HMCN1: variants seen among roughly 807,000 people sequenced by gnomAD.
HMCN1 encodes the protein hemicentin 1, also known as hemicentin-1.
Under a neutral mutation model 625.9 loss-of-function variants are expected in HMCN1, and 321 were observed. That is an observed-to-expected ratio of 0.51 (90% CI 0.47 to 0.56). The LOEUF is 0.56. Ranked by LOEUF, HMCN1 falls within the 20% of genes least tolerant of loss-of-function variation. HMCN1 has a pLI of 0.00. For missense variants in HMCN1, 6,588 were observed against 6,887.3 expected (o/e 0.96, Z 1.54); for synonymous variants, 2,425 against 2,417.6 (o/e 1.00, Z -0.09).
chr1:185,890,096 T>G (rs1407030692), intron 4 of HMCN1, among the ~76,000 whole-genome samples: 2 of 151,878 alleles, frequency 1.3e-5, no homozygotes, highest in Non-Finnish European at 2.9e-5. Context: ...GTTTATTAGC[T>G]TAGAGGTGTT....
chr1:185,949,394 T>C (rs1392511971), intron 11 of HMCN1, among the ~76,000 whole-genome samples: 1 of 151,844 alleles, frequency 6.6e-6, no homozygotes, highest in African/African-American at 2.4e-5. Context: ...AAATGGGCTG[T>C]ACCCTGTAGC....
rs756782358 is a variant in HMCN1, at chr1:186,137,978, A to G, written c.13924+6A>G. On this transcript the variant is annotated splice_donor_region_variant and intron_variant, in intron 89 of 106. Transcript: ENST00000271588. ...CAACATTAGGCCTTGCCCAGGTGAG[A>G]AACCACCAATAATGCTAAGATAAAC... 6.2e-7 allele frequency: 1 copy of G among 1,613,886 alleles called. No individual in the cohort carries two copies. Among genetic ancestry groups the G allele is most frequent in the African/African-American group, 1.3e-5 (1 of 75,026 alleles).
intron 41 of HMCN1, among the ~76,000 whole-genome samples, chr1:186,048,176 C>G (rs1457573916): frequency 6.6e-6 from 1 of 152,124 alleles, no homozygotes; most frequent in South Asian, 2.1e-4. Context: ...GTTGTAATAA[C>G]TGCAGATGGT....
At chr1:185,998,735 C>T (rs1050541124) in intron 25 of HMCN1, among the ~76,000 whole-genome samples, 2 of 152,096 alleles carry the variant, frequency 1.3e-5, no homozygotes, top group Non-Finnish European at 2.9e-5. Context: ...TACTAGACAT[C>T]GTTTTCATTA....
intron 1 of HMCN1, among the ~76,000 whole-genome samples, chr1:185,840,121 G>A (rs1284051556): frequency 6.6e-6 from 1 of 152,172 alleles, no homozygotes; most frequent in African/African-American, 2.4e-5. Flanking sequence ...TTGTTGATTA[G>A]ATGCAGATCA....
At chr1:186,153,717 T>C (rs747449984) in intron 96 of HMCN1, 33 bp from the exon 97 acceptor site, 3 of 1,576,136 alleles carry the variant, frequency 1.9e-6, no homozygotes, top group South Asian at 2.2e-5. Context: ...GTATGAGCCA[T>C]ATTGATCTTC....
chr1:185,862,798 A>G (rs1433791428), intron 2 of HMCN1, among the ~76,000 whole-genome samples: 2 of 152,236 alleles, frequency 1.3e-5, no homozygotes, highest in Non-Finnish European at 2.9e-5. Flanking sequence ...TCCAAAGTGA[A>G]GATCAGGTTA....
chr1:186,020,004 G>A (rs1218450574), intron 35 of HMCN1, among the ~76,000 whole-genome samples: 3 of 151,952 alleles, frequency 2.0e-5, no homozygotes, highest in Non-Finnish European at 4.4e-5. Context: ...ATGTTCATCA[G>A]TAATAAGCCA....
intron 1 of HMCN1, among the ~76,000 whole-genome samples, chr1:185,819,729 A>G (rs1660071764): frequency 6.6e-6 from 1 of 152,228 alleles, no homozygotes; most frequent in South Asian, 2.1e-4. Flanking sequence ...AAACAGTCTT[A>G]TAAGAAATTG....
intron 1 of HMCN1, among the ~76,000 whole-genome samples, chr1:185,754,926 G>T (rs1373445340): frequency 1.3e-5 from 2 of 152,112 alleles, no homozygotes; most frequent in African/African-American, 4.8e-5. Context: ...TTTAATCCTT[G>T]CTCTGCTGTT....
At chr1:186,096,495 C>G (rs1029383527) in intron 68 of HMCN1, among the ~76,000 whole-genome samples, 41 of 152,098 alleles carry the variant, frequency 2.7e-4, no homozygotes, top group African/African-American at 9.4e-4. Context: ...GGAAGCAGAA[C>G]CATATCTAAA....
chr1:185,978,978 G>C (rs2101993235), intron 16 of HMCN1, among the ~76,000 whole-genome samples: 1 of 152,170 alleles, frequency 6.6e-6, no homozygotes, highest in African/African-American at 2.4e-5. Context: ...ACCATGTCTG[G>C]CCCAAGTTTA....
Position 186,130,112 on chromosome 1 carries a change from C to A in HMCN1, c.13039+12C>A. The A allele has an allele frequency of 4.3e-6, 7 of 1,612,762 alleles. No homozygotes were observed. Among genetic ancestry groups the A allele is most frequent in the Non-Finnish European group, 5.9e-6 (7 of 1,179,092 alleles). On this transcript the variant is annotated intron_variant, in intron 84 of 106. Coordinates refer to ENST00000271588, the MANE Select transcript of HMCN1 (RefSeq NM_031935.3). ...TGTTTATGTGAAAGGTAGGGAAAAGCGCTCCATTTTTAATTTATAATGCAT... is the reference window on the plus strand; with the variant it reads ...TGTTTATGTGAAAGGTAGGGAAAAGAGCTCCATTTTTAATTTATAATGCAT...
At position 186,039,877 on chromosome 1, in the gene HMCN1, C is replaced by T; in HGVS notation, c.6178C>T (p.Gln2060Ter). The T allele has an allele frequency of 6.2e-7, 1 of 1,612,786 alleles. No homozygotes were observed. The highest frequency in any genetic ancestry group is 8.5e-7 in the Non-Finnish European group (1 of 1,179,052). ...TGTTTCTAGTTTTTCTAATGGATTA[C>T]AGGTACCTTCATTCATTTCTTTGGT... ...SPVSSFSNGL[Q>*]VLSGGRILAL... Residue 2060 changes from glutamine to a stop codon, truncating the protein, a stop_gained and splice_region_variant, in exon 39 of 107, where the codon CAG becomes TAG. Transcript: ENST00000271588. LOFTEE classifies it high-confidence loss of function.
chr1:186,071,533 C>T (rs886414630), intron 52 of HMCN1, among the ~76,000 whole-genome samples: 11 of 152,134 alleles, frequency 7.2e-5, no homozygotes, highest in African/African-American at 1.4e-4. Flanking sequence ...AGATGTGAAA[C>T]GGCTAAGCTG....
At chr1:186,021,276 A>G (rs1483818198) in intron 35 of HMCN1, among the ~76,000 whole-genome samples, 2 of 152,056 alleles carry the variant, frequency 1.3e-5, no homozygotes, top group Admixed American at 6.6e-5. Flanking sequence ...TAGTGTTGCC[A>G]TACAGTGAGA....
intron 52 of HMCN1, among the ~76,000 whole-genome samples, chr1:186,071,380 A>G (rs1658472990): frequency 6.6e-6 from 1 of 152,210 alleles, no homozygotes; most frequent in African/African-American, 2.4e-5. Context: ...CAGATCCTTC[A>G]ATTCTGTGAT....
intron 83 of HMCN1, among the ~76,000 whole-genome samples, chr1:186,129,656 C>CAGAG (rs59428865): frequency 0.46 from 68,964 of 151,544 alleles, 16,766 homozygotes; most frequent in African/African-American, 0.61. Context: ...TTTTGAAACT[C>CAGAG]AGACTACGAG....
At chr1:185,898,227 G>C (rs1321835095) in intron 4 of HMCN1, among the ~76,000 whole-genome samples, 2 of 152,130 alleles carry the variant, frequency 1.3e-5, no homozygotes, top group Non-Finnish European at 2.9e-5. Context: ...GAGAGACAGA[G>C]ACAAAATCAC....
Sources: allele counts gnomAD v4.1 joint callset (sites outside exome capture counted in the v4.1 genomes callset), GRCh38; gene constraint gnomAD v4.1.1; transcripts MANE v1.5; gene names NCBI Gene and HGNC (gene_info 2026-07-23, HGNC 2026-07-21).